Variants in CLSTN2 observed in about 807,000 individuals in gnomAD.
The protein encoded by CLSTN2 is calsyntenin 2, also known as calsyntenin-2.
CLSTN2 carries 48 observed loss-of-function variants against 101.2 expected under a neutral mutation model. The observed-to-expected ratio is 0.47, with a 90% CI of 0.38 to 0.60. The LOEUF is 0.60. Ranked by LOEUF, CLSTN2 falls within the 20% of genes least tolerant of loss-of-function variation. CLSTN2 has a pLI of 0.00. For synonymous variants in CLSTN2, 481 were observed against 463.6 expected, an observed-to-expected ratio of 1.04 and a Z score of -0.48; for missense variants, 1,160 against 1,238.2, an observed-to-expected ratio of 0.94 and a Z score of 0.95.
intron 2 of CLSTN2, among the ~76,000 whole-genome samples, chr3:140,367,372 G>A (rs6795632): frequency 0.42 from 63,131 of 151,628 alleles, 13,946 homozygotes; most frequent in Non-Finnish European, 0.5. Flanking sequence ...AATTAACTGG[G>A]TGTGGTGGTG....
chr3:140,403,741 G>A lies in CLSTN2; in HGVS notation c.345G>A (p.Glu115=), dbSNP rs757148060. Residue 115 remains glutamate (E), a synonymous_variant, in exon 3 of 17, where the codon GAG becomes GAA. Transcript: ENST00000458420. ...GTGCCAAGAGCCCCATTGACTGTGA[G>A]TTGCAGAAGGAGTACACATTCATCA... ...RLRAKSPIDC[E]LQKEYTFIIQ... 6.2e-7 allele frequency: 1 copy of A among 1,614,204 alleles called. No homozygotes were observed. The highest frequency in any genetic ancestry group is 8.5e-7 in the Non-Finnish European group (1 of 1,180,036).
At chr3:140,215,864 A>G (rs1260658842) in intron 2 of CLSTN2, among the ~76,000 whole-genome samples, 1 of 152,240 alleles carries the variant, frequency 6.6e-6, no homozygotes, top group African/African-American at 2.4e-5. Context: ...TATCTAATAT[A>G]AAGTAGGTGT....
At chr3:140,219,258 A>G (rs910228751) in intron 2 of CLSTN2, among the ~76,000 whole-genome samples, 4 of 152,106 alleles carry the variant, frequency 2.6e-5, no homozygotes, top group Non-Finnish European at 5.9e-5. Flanking sequence ...AGGGCCTCAC[A>G]TGTGCAGCCA....
chr3:140,106,933 G>A lies in CLSTN2; in HGVS notation c.110-69018G>A, dbSNP rs1279869832. 4.6e-5 allele frequency among the ~76,000 whole-genome samples: 7 copies of A among 152,152 alleles called. No homozygotes were observed. In the East Asian group the frequency reaches 9.6e-4, roughly 21 times the overall value. ...CAACACTAGTGTTAAGCAGCGGGGG[G>A]ATATCTGAGTAGGAATTCACTTTAT... On this transcript the variant is annotated intron_variant, in intron 1 of 16. Coordinates refer to ENST00000458420, the MANE Select transcript of CLSTN2 (RefSeq NM_022131.3).
At chr3:140,173,153 A>G (rs2010265679) in intron 1 of CLSTN2, among the ~76,000 whole-genome samples, 1 of 152,208 alleles carries the variant, frequency 6.6e-6, no homozygotes, top group Admixed American at 6.5e-5. Flanking sequence ...GTTATTTCCT[A>G]GATACAATGG....
chr3:140,222,143 C>T (rs895123686), intron 2 of CLSTN2, among the ~76,000 whole-genome samples: 2 of 151,206 alleles, frequency 1.3e-5, no homozygotes, highest in Non-Finnish European at 2.9e-5. Flanking sequence ...AGCCATAAAA[C>T]GAATGAGATC....
chr3:140,176,196 C>A, intron 2 of CLSTN2, 123 bp downstream of exon 2: 1 of 1,063,026 alleles, frequency 9.4e-7, no homozygotes, highest in Non-Finnish European at 1.3e-6. Context: ...CTAGATCAGC[C>A]TGTGATGTTA....
chr3:140,304,716 G>A (rs2087094990), intron 2 of CLSTN2, among the ~76,000 whole-genome samples: 1 of 152,126 alleles, frequency 6.6e-6, no homozygotes, highest in Non-Finnish European at 1.5e-5. Flanking sequence ...GAGACAGGGA[G>A]GAAGCGTCTT....
At chr3:140,110,262 C>A (rs763862541) in intron 1 of CLSTN2, among the ~76,000 whole-genome samples, 1 of 152,072 alleles carries the variant, frequency 6.6e-6, no homozygotes, top group East Asian at 1.9e-4. Context: ...GATGTTAAGA[C>A]GACCAACATC....
At chr3:140,161,027 A>T (rs2010037921) in intron 1 of CLSTN2, among the ~76,000 whole-genome samples, 1 of 152,162 alleles carries the variant, frequency 6.6e-6, no homozygotes, top group African/African-American at 2.4e-5. Flanking sequence ...CACTTAACAC[A>T]CACGGAGCAC....
chr3:140,258,005 A>C (rs1178334237), intron 2 of CLSTN2, among the ~76,000 whole-genome samples: 1 of 152,120 alleles, frequency 6.6e-6, no homozygotes, highest in Non-Finnish European at 1.5e-5. Flanking sequence ...AAATCCTGCC[A>C]ATACTAAATG....
intron 8 of CLSTN2, among the ~76,000 whole-genome samples, chr3:140,503,046 C>G (rs2107763286): frequency 6.6e-6 from 1 of 152,258 alleles, no homozygotes; most frequent in Non-Finnish European, 1.5e-5. Flanking sequence ...TGGCTTATAG[C>G]CCCTTTCATC....
chr3:140,556,655 A>G lies in CLSTN2; in HGVS notation c.1817A>G (p.Lys606Arg), dbSNP rs1053743421. The change falls in exon 11 of 17, where the codon AAA (lysine) becomes AGA (arginine). Residue 606 changes from lysine to arginine, a missense_variant. By Grantham distance (26) the Lys-to-Arg change is conservative. Transcript: ENST00000458420. The stretch of plus-strand genomic sequence containing the variant: ...GTGCGGCGCCTCAAAGTATCCTCCA[A>G]AGTCCAGTGAGTGGACGCTGGTCAG... ...AGVRRLKVSS[K>R]VQCFGEDVCI... is the part of the protein sequence containing the mutation. 1 of 1,613,898 alleles carries G rather than the reference A, an allele frequency of 6.2e-7. No individual in the cohort carries two copies. Among genetic ancestry groups the G allele is most frequent in the Non-Finnish European group, 8.5e-7 (1 of 1,179,892 alleles).
At chr3:140,334,680 A>G (rs1442171107) in intron 2 of CLSTN2, among the ~76,000 whole-genome samples, 1 of 152,214 alleles carries the variant, frequency 6.6e-6, no homozygotes, top group African/African-American at 2.4e-5. Context: ...AAGGGTCACT[A>G]ATTTATCCCA....
intron 1 of CLSTN2, among the ~76,000 whole-genome samples, chr3:140,130,963 G>C (rs761707362): frequency 4.6e-5 from 7 of 151,964 alleles, no homozygotes; most frequent in Non-Finnish European, 1.0e-4. Context: ...ATTGGACTGA[G>C]TTTCTCCCCC....
chr3:140,074,746 G>C (rs529635769), intron 1 of CLSTN2, among the ~76,000 whole-genome samples: 12 of 152,214 alleles, frequency 7.9e-5, no homozygotes, highest in African/African-American at 2.6e-4. Context: ...TTTGACTCCG[G>C]AGCCTGAGCT....
At chr3:140,399,044 T>C (rs995458889) in intron 2 of CLSTN2, among the ~76,000 whole-genome samples, 3 of 152,230 alleles carry the variant, frequency 2.0e-5, no homozygotes, top group Admixed American at 1.3e-4. Context: ...CCACAGCCCA[T>C]GTGAGCCTGG....
At chr3:140,122,287 A>G (rs1022392355) in intron 1 of CLSTN2, among the ~76,000 whole-genome samples, 1 of 152,160 alleles carries the variant, frequency 6.6e-6, no homozygotes, top group Non-Finnish European at 1.5e-5. Context: ...GAATCTATTA[A>G]CTGTGTGGGT....
intron 2 of CLSTN2, among the ~76,000 whole-genome samples, chr3:140,242,360 CA>C (rs1260150530): frequency 3.3e-5 from 5 of 152,100 alleles, no homozygotes; most frequent in Admixed American, 3.3e-4. Flanking sequence ...GAGACATTAG[CA>C]GAAATGTGAA....
Sources: gnomAD v4.1 joint callset for allele counts (sites outside exome capture counted in the v4.1 genomes callset) on GRCh38, gnomAD v4.1.1 for gene constraint, MANE v1.5 for transcripts, NCBI Gene and HGNC (gene_info 2026-07-23, HGNC 2026-07-21) for gene names.